The following MYH11 variants were observed in gnomAD, a reference collection of about 807,000 sequenced individuals.
MYH11 encodes the protein myosin-11.
A neutral mutation model predicts 246.6 loss-of-function variants in MYH11; 80 were observed. That is an observed-to-expected ratio of 0.32 (90% confidence interval 0.27 to 0.39). The LOEUF (loss-of-function observed/expected upper bound fraction) is 0.39, where lower values mean the gene tolerates loss of function less well. MYH11 is among the 10% of genes least tolerant of loss of function. The pLI is 1.00. For missense variants in MYH11, 2,158 were observed against 2,546.8 expected, an observed-to-expected ratio of 0.85 and a Z score of 3.29; for synonymous variants, 1,071 against 1,015.5, an observed-to-expected ratio of 1.05 and a Z score of -1.04.
Position 15,743,500 on chromosome 16 carries a change from G to T in MYH11, c.2521-1609C>A, listed in dbSNP as rs575197298. ...ATTTTCTTAGGATAGTTTTTCAGAA[G>T]TTGGTTCAGTGGGGACGAACATTTC... On this transcript the variant is annotated intron_variant, in intron 20 of 40. Transcript: ENST00000300036. Among the ~76,000 whole-genome samples, 6 of 152,308 alleles carry T rather than the reference G, an allele frequency of 3.9e-5. 1 individual carries two copies. The South Asian group carries it at 1.2e-3, about 32-fold the overall frequency.
chr16:15,775,423 TGTTGCCTGAGCTC>T, intron 8 of MYH11, among the ~76,000 whole-genome samples: 1 of 390 alleles, frequency 2.6e-3, no homozygotes, highest in South Asian at 0.12. Context: ...TTGGTTTATG[TGTTGCCTGAGCTC>T]ACTGGTTTAT....
At chr16:15,727,346 G>A (rs1227137952) in intron 27 of MYH11, among the ~76,000 whole-genome samples, 10 of 152,022 alleles carry the variant, frequency 6.6e-5, no homozygotes, top group African/African-American at 2.2e-4. Context: ...GATTACAGGC[G>A]CCCGCCACCA....
intron 30 of MYH11, 53 bp from the exon 31 acceptor site, chr16:15,724,462 G>C (rs1264117284): frequency 6.2e-7 from 1 of 1,610,596 alleles, no homozygotes; most frequent in African/African-American, 1.3e-5. Flanking sequence ...AGTGGCCCCT[G>C]TCCCTGGCCC....
intron 9 of MYH11, 52 bp from the exon 10 acceptor site, chr16:15,763,943 C>T (rs558323679): frequency 3.3e-6 from 5 of 1,493,208 alleles, no homozygotes; most frequent in Middle Eastern, 2.0e-4. Flanking sequence ...TGCCAAGGTA[C>T]CCTGGAGTTT....
At chr16:15,721,688 T>G in intron 31 of MYH11, 54 bp from the exon 32 acceptor site, 1 of 1,584,920 alleles carries the variant, frequency 6.3e-7, no homozygotes, top group East Asian at 2.2e-5. Context: ...TCAGCGTCAC[T>G]GAATTGTAAA....
At chr16:15,740,307 C>T (rs1280280745) in intron 22 of MYH11, 119 bp from the exon 23 acceptor site, 27 of 1,494,360 alleles carry the variant, frequency 1.8e-5, no homozygotes, top group Admixed American at 3.5e-5. Context: ...CTGTAGCCTC[C>T]TAAAAGGAAG....
chr16:15,856,333 T>TAAAAA (rs548513969), intron 1 of MYH11, among the ~76,000 whole-genome samples: 1 of 140,852 alleles, frequency 7.1e-6, no homozygotes, highest in Non-Finnish European at 1.5e-5. Context: ...CTAAACTGAT[T>TAAAAA]AAAAAAAAAA....
chr16:15,746,580 A>T (rs776049798), intron 19 of MYH11, among the ~76,000 whole-genome samples: 1 of 152,014 alleles, frequency 6.6e-6, no homozygotes, highest in Non-Finnish European at 1.5e-5. Context: ...TCTCTGCCCA[A>T]TGACAACACA....
intron 10 of MYH11, among the ~76,000 whole-genome samples, chr16:15,763,254 C>A (rs1000873556): frequency 6.6e-6 from 1 of 152,188 alleles, no homozygotes; most frequent in Admixed American, 6.5e-5. Context: ...AAGACGACCA[C>A]AGATACCGTA....
At chr16:15,745,933 C>T (rs984524679) in intron 19 of MYH11, among the ~76,000 whole-genome samples, 1 of 147,332 alleles carries the variant, frequency 6.8e-6, no homozygotes, top group African/African-American at 2.5e-5. Flanking sequence ...TGTTTATTTT[C>T]AGAGACAGGG....
chr16:15,709,087 C>T (rs1283826853), intron 40 of MYH11, among the ~76,000 whole-genome samples: 5 of 151,768 alleles, frequency 3.3e-5, no homozygotes, highest in South Asian at 2.1e-4. Context: ...GGATTACAGG[C>T]AGGCCCCACG....
At chr16:15,771,069 A>G (rs953494216) in intron 9 of MYH11, among the ~76,000 whole-genome samples, 8 of 151,220 alleles carry the variant, frequency 5.3e-5, no homozygotes, top group African/African-American at 7.3e-5. Context: ...ATCTTGGCTC[A>G]CTGCAACCTC....
chr16:15,855,365 C>T (rs2044438003), intron 1 of MYH11, among the ~76,000 whole-genome samples: 1 of 152,156 alleles, frequency 6.6e-6, no homozygotes, highest in South Asian at 2.1e-4. Flanking sequence ...CGGTGATAAA[C>T]ATTTACTTTG....
chr16:15,727,235 C>G (rs2040812545), intron 27 of MYH11, among the ~76,000 whole-genome samples, 181 bp from the exon 28 acceptor site: 2 of 148,246 alleles, frequency 1.3e-5, no homozygotes, highest in African/African-American at 5.3e-5. Flanking sequence ...AGTCTTAACT[C>G]TGTTACCCAG....
intron 19 of MYH11, among the ~76,000 whole-genome samples, chr16:15,747,194 C>T (rs187705870): frequency 1.1e-3 from 172 of 152,234 alleles, no homozygotes; most frequent in African/African-American, 3.8e-3. Context: ...CTGAGAACCA[C>T]GCACTGTTCT....
At chr16:15,805,999 C>G (rs985485866) in intron 3 of MYH11, among the ~76,000 whole-genome samples, 2 of 152,084 alleles carry the variant, frequency 1.3e-5, no homozygotes, top group African/African-American at 4.8e-5. Flanking sequence ...AGCTAGCCGG[C>G]TGGGCACGGT....
At chr16:15,848,007 T>A (rs1023481523) in intron 1 of MYH11, among the ~76,000 whole-genome samples, 1 of 152,064 alleles carries the variant, frequency 6.6e-6, no homozygotes, top group East Asian at 1.9e-4. Flanking sequence ...CTTTCCCTCA[T>A]TGAGACACAA....
At chr16:15,717,894 C>T (rs1447470725) in intron 37 of MYH11, 4 of 284,680 alleles carry the variant, frequency 1.4e-5, no homozygotes, top group Non-Finnish European at 2.7e-5. Flanking sequence ...AGAATGATGC[C>T]TGTTCACCCT....
intron 1 of MYH11, among the ~76,000 whole-genome samples, chr16:15,841,689 C>T (rs1347125702): frequency 6.6e-6 from 1 of 152,204 alleles, no homozygotes; most frequent in Non-Finnish European, 1.5e-5. Flanking sequence ...ATAGGCCTGT[C>T]CGGCCCCCCG....
Sources: gnomAD v4.1 joint callset for allele counts (sites outside exome capture counted in the v4.1 genomes callset) on GRCh38, gnomAD v4.1.1 for gene constraint, MANE v1.5 for transcripts, NCBI Gene and HGNC (gene_info 2026-07-23, HGNC 2026-07-21) for gene names.